Variants in NEK10 observed in about 807,000 individuals in gnomAD.
The protein encoded by NEK10 is NIMA related kinase 10.
A neutral mutation model predicts 159.8 loss-of-function variants in NEK10; 122 were observed. The ratio of observed to expected loss-of-function variants is 0.76; its 90% CI spans 0.66 to 0.89. NEK10 has a LOEUF of 0.89. NEK10 is among the 40% of genes least tolerant of loss of function. NEK10 has a pLI of 0.00. For synonymous variants in NEK10, 466 were observed against 457.1 expected, an observed-to-expected ratio of 1.02 and a Z score of -0.25; for missense variants, 1,342 against 1,323.1, an observed-to-expected ratio of 1.01 and a Z score of -0.22.
At chr3:27,236,285 CT>C (rs1248927361) in intron 23 of NEK10, among the ~76,000 whole-genome samples, 1 of 151,932 alleles carries the variant, frequency 6.6e-6, no homozygotes, top group Non-Finnish European at 1.5e-5. Context: ...TACACCTGAA[CT>C]TAAAAGTTAA....
In NEK10 at chr3:27,256,369, C is replaced by A; in HGVS notation, c.2017G>T (p.Asp673Tyr). ...TGTTTTTGCTTTGCCAGGCCAAAGT[C>A]AGCTACAATTCACAAAACAACGCAA... is the stretch of plus-strand genomic sequence containing the variant. Reference protein sequence around the residue: ...LGDKDKVTVTDFGLAKQKQEN... With the variant: ...LGDKDKVTVTYFGLAKQKQEN... The change falls in exon 23 of 36, where the codon GAC becomes TAC. Residue 673 changes from aspartate to tyrosine, a missense_variant and splice_region_variant. Asp to Tyr is a radical substitution (Grantham distance 160). Coordinates refer to ENST00000691995, the MANE Select transcript of NEK10 (RefSeq NM_001394966.1). The A allele has an allele frequency of 6.4e-7, 1 of 1,570,064 alleles. No homozygotes were observed. The highest frequency in any genetic ancestry group is 1.2e-5 in the South Asian group (1 of 84,156).
intron 30 of NEK10, among the ~76,000 whole-genome samples, chr3:27,157,099 A>G (rs1021112607): frequency 6.6e-6 from 1 of 151,226 alleles, no homozygotes; most frequent in South Asian, 2.1e-4. Flanking sequence ...CAAACATTGT[A>G]TCTTCTCACT....
intron 33 of NEK10, among the ~76,000 whole-genome samples, chr3:27,117,041 T>C (rs545996721): frequency 1.3e-5 from 2 of 152,266 alleles, no homozygotes; most frequent in East Asian, 1.9e-4. Context: ...TGTGTTCTCA[T>C]TGTTCAGCTC....
chr3:27,291,582 A>G lies in NEK10; in HGVS notation c.1378T>C (p.Phe460Leu), dbSNP rs1273637162. The change falls in exon 17 of 36, where the codon TTC becomes CTC. Residue 460 changes from phenylalanine (F) to leucine (L), a missense_variant. By Grantham distance (22) the Phe-to-Leu change is conservative. Transcript: ENST00000691995. ...ERNRPLFKRL[F>L]PTDLFEIFID... is the part of the protein sequence containing the mutation. Reference sequence around the variant, plus strand: ...AAGATCTCAAACAAGTCTGTGGGGAAAAGTCTACAGAGAATATTACACACA... The same window carrying G: ...AAGATCTCAAACAAGTCTGTGGGGAGAAGTCTACAGAGAATATTACACACA... The G allele has an allele frequency of 3.2e-6, 5 of 1,556,014 alleles. No individual in the cohort carries two copies. Among genetic ancestry groups the G allele is most frequent in the South Asian group, 1.1e-5 (1 of 89,904 alleles).
At position 27,327,944 on chromosome 3, in the gene NEK10, A is replaced by C. The variant is rs568846093; in HGVS notation, c.363-5683T>G. Among the ~76,000 whole-genome samples, 156 of 151,864 alleles carry C rather than the reference A, an allele frequency of 1.0e-3. 2 individuals are homozygous for C. The highest frequency in any genetic ancestry group is 4.0e-3 in the East Asian group (21 of 5,186). On this transcript the variant is annotated intron_variant, in intron 5 of 35. Coordinates refer to ENST00000691995, the MANE Select transcript of NEK10 (RefSeq NM_001394966.1). Reference sequence around the variant, plus strand: ...CATCTATGCAAAACTTAAAAAAAAAAAAACAAGAATATATGTGAAGAAATT... The same window carrying C: ...CATCTATGCAAAACTTAAAAAAAAACAAACAAGAATATATGTGAAGAAATT...
At position 27,222,006 on chromosome 3, in the gene NEK10, G is replaced by A. The variant is rs73038730; in HGVS notation, c.2091-19449C>T. On this transcript the variant is annotated intron_variant, in intron 23 of 35. Coordinates refer to ENST00000691995, the MANE Select transcript of NEK10 (RefSeq NM_001394966.1). ...GATAGTGGAAAACTTCCAGATAGTGGTTACCTCTGGGTAGGAAGGGGAAGT... is the reference window on the plus strand; with the variant it reads ...GATAGTGGAAAACTTCCAGATAGTGATTACCTCTGGGTAGGAAGGGGAAGT... Among the ~76,000 whole-genome samples the A allele has an allele frequency of 1.0e-3, 157 of 152,290 alleles. 1 individual carries two copies. Among genetic ancestry groups the A allele is most frequent in the Non-Finnish European group, 1.9e-3 (131 of 68,020 alleles).
In NEK10 at chr3:27,346,182, C is replaced by T; in HGVS notation, c.167G>A (p.Ser56Asn). 6.2e-7 allele frequency: 1 copy of T among 1,613,700 alleles called. No individual in the cohort carries two copies. Among genetic ancestry groups the T allele is most frequent in the Non-Finnish European group, 8.5e-7 (1 of 1,179,678 alleles). ...GATGGCGGGCTCAGACTTCGTCATGCTATTTTGGGCACTATCGAAGTTAAT... is the reference window on the plus strand; with the variant it reads ...GATGGCGGGCTCAGACTTCGTCATGTTATTTTGGGCACTATCGAAGTTAAT... ...PAINFDSAQN[S>N]MTKSEPAIRA... The change falls in exon 4 of 36, where the codon AGC becomes AAC. Residue 56 changes from serine (S) to asparagine (N), a missense_variant. Transcript: ENST00000691995.
chr3:27,256,715 A>C (rs181937492), intron 22 of NEK10, among the ~76,000 whole-genome samples: 12 of 152,294 alleles, frequency 7.9e-5, no homozygotes, highest in Admixed American at 6.5e-4. Context: ...AATAAATACC[A>C]TGAAGGCCTG....
In NEK10 at chr3:27,192,053, G is replaced by C. The variant is rs1462481647; in HGVS notation, c.2481C>G (p.His827Gln). 2 of 1,614,194 alleles carry C rather than the reference G, an allele frequency of 1.2e-6. No homozygotes were observed. The highest frequency in any genetic ancestry group is 1.7e-6 in the Non-Finnish European group (2 of 1,180,034). ...MEANRNTVTCHHELAVLSHET... is the reference protein window; with the variant it reads ...MEANRNTVTCQHELAVLSHET... ...CGTGAGATAGAACAGCCAGCTCATG[G>C]TGACATGTGACGGTGTTCCGGTTGG... Residue 827 changes from histidine (H) to glutamine (Q), a missense_variant, in exon 26 of 36, where the codon CAC becomes CAG. His to Gln is a conservative substitution (Grantham distance 24). Transcript: ENST00000691995.
intron 32 of NEK10, among the ~76,000 whole-genome samples, chr3:27,131,317 G>A (rs1053075230): frequency 3.3e-5 from 5 of 152,142 alleles, no homozygotes; most frequent in Admixed American, 2.6e-4. Context: ...CCAATATCAA[G>A]TTTTGTTAAC....
intron 31 of NEK10, among the ~76,000 whole-genome samples, chr3:27,135,048 C>T (rs141546333): frequency 3.9e-5 from 6 of 152,244 alleles, no homozygotes; most frequent in African/African-American, 2.4e-5. Flanking sequence ...TTCTGAGCAG[C>T]GTCTTCTAGC....
chr3:27,282,103 G>A (rs1196106615), intron 22 of NEK10, among the ~76,000 whole-genome samples: 1 of 152,120 alleles, frequency 6.6e-6, no homozygotes, highest in East Asian at 1.9e-4. Context: ...AAATTCTGCT[G>A]TAACTGTACT....
chr3:27,244,071 G>C (rs1167526318), intron 23 of NEK10, among the ~76,000 whole-genome samples: 1 of 152,154 alleles, frequency 6.6e-6, no homozygotes, highest in African/African-American at 2.4e-5. Flanking sequence ...CAGGCTGAGA[G>C]ATACCCTGTG....
At chr3:27,235,474 A>G (rs1206019816) in intron 23 of NEK10, among the ~76,000 whole-genome samples, 1 of 152,196 alleles carries the variant, frequency 6.6e-6, no homozygotes, top group African/African-American at 2.4e-5. Flanking sequence ...AACACTTTTC[A>G]GAAGAAGGTA....
chr3:27,330,044 C>T (rs9310844), intron 5 of NEK10, among the ~76,000 whole-genome samples: 67,488 of 116,506 alleles, frequency 0.58, 15,361 homozygotes, highest in Middle Eastern at 0.73. Flanking sequence ...TATGTAAGTA[C>T]TTTTTATTGT....
intron 35 of NEK10, among the ~76,000 whole-genome samples, chr3:27,115,613 G>A (rs1940290252): frequency 6.6e-6 from 1 of 152,162 alleles, no homozygotes; most frequent in African/African-American, 2.4e-5. Flanking sequence ...CTTCTAGAAT[G>A]AGACAAACAA....
chr3:27,227,160 C>T (rs1952723942), intron 23 of NEK10, among the ~76,000 whole-genome samples: 1 of 152,146 alleles, frequency 6.6e-6, no homozygotes, highest in African/African-American at 2.4e-5. Context: ...TGACAGAATG[C>T]TAGTAAATTG....
intron 30 of NEK10, among the ~76,000 whole-genome samples, chr3:27,150,550 T>A (rs183663167): frequency 6.4e-4 from 97 of 152,326 alleles, no homozygotes; most frequent in East Asian, 2.1e-3. Context: ...TTGAATATTT[T>A]AAGCCAACTC....
At chr3:27,350,986 C>T (rs2047929871) in intron 3 of NEK10, among the ~76,000 whole-genome samples, 1 of 151,988 alleles carries the variant, frequency 6.6e-6, no homozygotes, top group African/African-American at 2.4e-5. Context: ...AGGCAAAAGT[C>T]AAAGTTGCTG....
Sources: allele counts gnomAD v4.1 joint callset (sites outside exome capture counted in the v4.1 genomes callset), GRCh38; gene constraint gnomAD v4.1.1; transcripts MANE v1.5; gene names NCBI Gene and HGNC (gene_info 2026-07-23, HGNC 2026-07-21).